NETO1: variants seen among roughly 807,000 people sequenced by gnomAD.
The protein encoded by NETO1 is neuropilin and tolloid-like protein 1.
A neutral mutation model predicts 61.3 loss-of-function variants in NETO1; 26 were observed. That is an observed-to-expected ratio of 0.42 (90% confidence interval 0.31 to 0.59). The LOEUF (loss-of-function observed/expected upper bound fraction) is 0.59, where lower values mean the gene tolerates loss of function less well. Ranked by LOEUF, NETO1 falls within the 20% of genes least tolerant of loss-of-function variation. The probability of loss-of-function intolerance (pLI) is 0.12; values close to 1 mark genes in which losing one functional copy is unlikely to be tolerated. For synonymous variants in NETO1, 225 were observed against 225.8 expected (o/e 1.00, Z 0.03); for missense variants, 531 against 662.8 (o/e 0.80, Z 2.18).
chr18:72,806,105 C>T (rs2072666880), intron 4 of NETO1, among the ~76,000 whole-genome samples: 1 of 152,076 alleles, frequency 6.6e-6, no homozygotes, highest in South Asian at 2.1e-4. Context: ...CCTACGACGT[C>T]CTTTTCACCC....
chr18:72,860,812 C>A (rs985852876), intron 3 of NETO1, among the ~76,000 whole-genome samples: 2 of 150,768 alleles, frequency 1.3e-5, no homozygotes, highest in African/African-American at 2.4e-5. Context: ...AAAGTGCCAG[C>A]CTTAAAACAA....
At chr18:72,765,517 C>G (rs1452323784) in intron 7 of NETO1, among the ~76,000 whole-genome samples, 9 of 152,148 alleles carry the variant, frequency 5.9e-5, no homozygotes, top group African/African-American at 2.2e-4. Context: ...TGCCCAGGTT[C>G]AAGCAATTCT....
At chr18:72,848,187 T>C (rs1303969554) in intron 4 of NETO1, among the ~76,000 whole-genome samples, 1 of 152,142 alleles carries the variant, frequency 6.6e-6, no homozygotes, top group African/African-American at 2.4e-5. Context: ...CCATGTAACA[T>C]AACATATTCA....
intron 7 of NETO1, among the ~76,000 whole-genome samples, chr18:72,783,302 A>G (rs2071803485): frequency 6.6e-6 from 1 of 152,224 alleles, no homozygotes; most frequent in Admixed American, 6.5e-5. Flanking sequence ...GCTTACTAAA[A>G]AGAACCTACC....
intron 8 of NETO1, among the ~76,000 whole-genome samples, chr18:72,754,670 A>G (rs2070729779): frequency 6.6e-6 from 1 of 152,188 alleles, no homozygotes. Flanking sequence ...TTAAAATTAC[A>G]TGAAAGAAAA....
At chr18:72,834,932 A>C (rs115969255) in intron 4 of NETO1, 1 of 746,494 alleles carries the variant, frequency 1.3e-6, no homozygotes, top group Non-Finnish European at 1.6e-6. Context: ...ATAAAATAAC[A>C]TTTAAAATAA....
chr18:72,792,198 G>A (rs191176969), intron 6 of NETO1, among the ~76,000 whole-genome samples: 1 of 152,120 alleles, frequency 6.6e-6, no homozygotes, highest in Non-Finnish European at 1.5e-5. Context: ...TTGGGAGGCC[G>A]ATGTGGGCAG....
intron 3 of NETO1, among the ~76,000 whole-genome samples, chr18:72,863,339 G>A (rs1568276760): frequency 6.6e-6 from 1 of 152,148 alleles, no homozygotes; most frequent in Non-Finnish European, 1.5e-5. Flanking sequence ...AGAAATGAAG[G>A]TGAGCATCTC....
rs756179340 is a variant in NETO1 at position 72,750,273 on chromosome 18, G to A, written c.1330C>T (p.Arg444Cys). ...GCATCTCTTGTGCTGAGGTTACTGC[G>A]GCTGCCTTTAGTGCTGGACAGCTGT... is the stretch of plus-strand genomic sequence containing the variant. ...GSQLSSTKGSRSNLSTRDASI... is the reference protein window; with the variant it reads ...GSQLSSTKGSCSNLSTRDASI... Residue 444 changes from arginine to cysteine, a missense_variant, in exon 9 of 11, where the codon CGC becomes TGC. By Grantham distance (180) the Arg-to-Cys change is radical. Transcript: ENST00000327305. The A allele has an allele frequency of 1.7e-5, 28 of 1,613,862 alleles. No homozygotes were observed. The highest frequency in any genetic ancestry group is 2.2e-5 in the Non-Finnish European group (26 of 1,179,948).
At chr18:72,848,563 A>G (rs1346499634) in intron 4 of NETO1, among the ~76,000 whole-genome samples, 1 of 152,240 alleles carries the variant, frequency 6.6e-6, no homozygotes, top group East Asian at 1.9e-4. Flanking sequence ...AATAAGAAAA[A>G]GTAGAAGAAT....
At chr18:72,825,427 T>C (rs1373544992) in intron 4 of NETO1, among the ~76,000 whole-genome samples, 1 of 152,154 alleles carries the variant, frequency 6.6e-6, no homozygotes, top group Non-Finnish European at 1.5e-5. Flanking sequence ...GTAATTTCAT[T>C]AATATTATTT....
chr18:72,768,961 A>G (rs2071254371), intron 7 of NETO1, among the ~76,000 whole-genome samples: 1 of 152,214 alleles, frequency 6.6e-6, no homozygotes. Context: ...AATGCCAAGT[A>G]GCAGATTTCT....
chr18:72,780,686 T>C (rs1326747282), intron 7 of NETO1, among the ~76,000 whole-genome samples: 1 of 152,198 alleles, frequency 6.6e-6, no homozygotes, highest in African/African-American at 2.4e-5. Context: ...GATGAACATT[T>C]TTCCCCCTAA....
intron 4 of NETO1, among the ~76,000 whole-genome samples, chr18:72,821,317 C>T (rs1248680393): frequency 2.1e-5 from 3 of 146,336 alleles, no homozygotes; most frequent in Admixed American, 6.8e-5. Context: ...ACGAGGTGGG[C>T]GGATCACCTG....
intron 4 of NETO1, among the ~76,000 whole-genome samples, chr18:72,857,827 T>C (rs1018832812): frequency 6.6e-6 from 1 of 152,192 alleles, no homozygotes; most frequent in Non-Finnish European, 1.5e-5. Flanking sequence ...CTAATATATA[T>C]GCTACAGTAA....
chr18:72,774,784 A>T (rs895154993), intron 7 of NETO1, among the ~76,000 whole-genome samples: 1 of 152,178 alleles, frequency 6.6e-6, no homozygotes, highest in Non-Finnish European at 1.5e-5. Context: ...ATAATACTTA[A>T]ATGTTTTGTC....
intron 7 of NETO1, among the ~76,000 whole-genome samples, chr18:72,776,243 T>C (rs2071543223): frequency 6.6e-6 from 1 of 152,112 alleles, no homozygotes; most frequent in South Asian, 2.1e-4. Context: ...ACCCATATCG[T>C]AGAAACTAAT....
In NETO1 at chr18:72,804,541, C is replaced by T. The variant is rs1397982242; in HGVS notation, c.470-10137G>A. On this transcript the variant is annotated intron_variant, in intron 4 of 10. Transcript: ENST00000327305. ...AACTTGTTTTGATCTAAGACCTAAA[C>T]AGCTTCAGTGCTGTCTCTAGAACAT... Among the ~76,000 whole-genome samples, 9 of 152,304 alleles carry T rather than the reference C, an allele frequency of 5.9e-5. No individual in the cohort carries two copies. In the South Asian group the frequency reaches 1.9e-3, roughly 32 times the overall value.
In NETO1 at chr18:72,781,506, A is replaced by G. The variant is rs150457758; in HGVS notation, c.868+2172T>C. ...AATCAACTACTGAACCAAATACATA[A>G]CAGCATACTGTTTTAATCTGACATA... is the stretch of plus-strand genomic sequence containing the variant. On this transcript the variant is annotated intron_variant, in intron 7 of 10. Transcript: ENST00000327305. Among the ~76,000 whole-genome samples the G allele has an allele frequency of 2.5e-3, 378 of 152,322 alleles. 2 individuals are homozygous for G. The highest frequency in any genetic ancestry group is 0.015 in the South Asian group (72 of 4,830).
Sources: gnomAD v4.1 joint callset for allele counts (sites outside exome capture counted in the v4.1 genomes callset) on GRCh38, gnomAD v4.1.1 for gene constraint, MANE v1.5 for transcripts, NCBI Gene and HGNC (gene_info 2026-07-23, HGNC 2026-07-21) for gene names.